FREM1: variants seen among roughly 807,000 people sequenced by gnomAD.
The protein encoded by FREM1 is FRAS1 related extracellular matrix 1.
Under a neutral mutation model 210.1 loss-of-function variants are expected in FREM1, and 220 were observed. The observed-to-expected ratio is 1.05, with a 90% CI of 0.94 to 1.17. The LOEUF (loss-of-function observed/expected upper bound fraction) is 1.17, where lower values mean the gene tolerates loss of function less well. FREM1 is among the 50% of genes most tolerant of loss of function. The probability of loss-of-function intolerance (pLI) is 0.00; values close to 1 mark genes in which losing one functional copy is unlikely to be tolerated. For missense variants in FREM1, 3,454 were observed against 2,675.5 expected, an observed-to-expected ratio of 1.29 and a Z score of -6.42; for synonymous variants, 1,189 against 980.2, an observed-to-expected ratio of 1.21 and a Z score of -3.98.
intron 16 of FREM1, 43 bp from the exon 17 acceptor site, chr9:14,808,177 A>G (rs769136357): frequency 5.3e-6 from 7 of 1,320,746 alleles, no homozygotes; most frequent in Admixed American, 2.3e-5. Context: ...TTTAAAAAAT[A>G]TAGAATACCA....
At chr9:14,787,158 C>T (rs1546135) in intron 23 of FREM1, among the ~76,000 whole-genome samples, 105,114 of 152,042 alleles carry the variant, frequency 0.69, 36,761 homozygotes, top group Middle Eastern at 0.82. Context: ...AAATGCTCAA[C>T]TTTAAGGTTG....
At chr9:14,867,301 G>C (rs936949621) in intron 2 of FREM1, among the ~76,000 whole-genome samples, 1 of 152,036 alleles carries the variant, frequency 6.6e-6, no homozygotes, top group Non-Finnish European at 1.5e-5. Flanking sequence ...TCCCTGACTC[G>C]TAAGTGCCAA....
Position 14,797,653 on chromosome 9 carries a change from G to GA in FREM1, c.3695-12dup, listed in dbSNP as rs771568917. The GA allele has an allele frequency of 3.0e-5, 48 of 1,594,640 alleles. No homozygotes were observed. The highest frequency in any genetic ancestry group is 3.4e-5 in the South Asian group (3 of 88,218). On this transcript the variant is annotated splice_polypyrimidine_tract_variant and intron_variant, in intron 20 of 36. Transcript: ENST00000380880. ...ACGTCAACCTCATTCCTGGAAGAAG[G>GA]AAAAAAAATAAGTAAATCTTCCTTA...
chr9:14,909,233 A>G (rs1818316052), intron 1 of FREM1, among the ~76,000 whole-genome samples: 1 of 152,230 alleles, frequency 6.6e-6, no homozygotes, highest in Non-Finnish European at 1.5e-5. Context: ...CTTAAAAACA[A>G]TAAACAATTT....
chr9:14,840,845 A>G (rs1381065770), intron 10 of FREM1, among the ~76,000 whole-genome samples: 2 of 152,218 alleles, frequency 1.3e-5, no homozygotes, highest in Admixed American at 1.3e-4. Context: ...ATGTTTGCTT[A>G]AACTTCTTTC....
At chr9:14,742,934 C>G (rs1426187149) in intron 35 of FREM1, among the ~76,000 whole-genome samples, 1 of 152,072 alleles carries the variant, frequency 6.6e-6, no homozygotes, top group East Asian at 1.9e-4. Context: ...CTATCTCTTT[C>G]ATTTACTTCC....
intron 10 of FREM1, among the ~76,000 whole-genome samples, chr9:14,832,289 TTTTCTAACTACCCTAATAGG>T (rs1484095282): frequency 1.3e-5 from 2 of 152,214 alleles, no homozygotes; most frequent in African/African-American, 2.4e-5. Context: ...CTTAGGCCGA[TTTTCTAACTACCCTAATAGG>T]TATATAGAAG....
intron 2 of FREM1, among the ~76,000 whole-genome samples, chr9:14,867,459 C>T (rs1211089247): frequency 1.3e-5 from 2 of 152,104 alleles, no homozygotes; most frequent in African/African-American, 4.8e-5. Flanking sequence ...CTTTGACTGA[C>T]GATAAAATCT....
At position 14,836,322 on chromosome 9, in the gene FREM1, G is replaced by A. The variant is rs376852323; in HGVS notation, c.1881+5125C>T. Among the ~76,000 whole-genome samples the A allele has an allele frequency of 1.6e-4, 24 of 152,140 alleles. No individual in the cohort carries two copies. The highest frequency in any genetic ancestry group is 6.5e-4 in the Admixed American group (10 of 15,270). On this transcript the variant is annotated intron_variant, in intron 10 of 36. Coordinates refer to ENST00000380880, the MANE Select transcript of FREM1 (RefSeq NM_001379081.2). The surrounding 1 kb of genome is among the most constrained non-coding windows in gnomAD (Gnocchi z 4.9). ...TTGCTTAATTATTATCCTTATAACT[G>A]GGATAATAGTTACTGACAAAAAGAA...
At chr9:14,778,192 T>A (rs1230948420) in intron 24 of FREM1, among the ~76,000 whole-genome samples, 1 of 152,116 alleles carries the variant, frequency 6.6e-6, no homozygotes, top group East Asian at 1.9e-4. Flanking sequence ...ATCACATAAT[T>A]TTCTCAAAAC....
At chr9:14,846,113 G>A (rs1301914939) in intron 7 of FREM1, 22 bp from the exon 8 acceptor site, 1 of 1,548,692 alleles carries the variant, frequency 6.5e-7, no homozygotes, top group South Asian at 1.2e-5. Flanking sequence ...AGGAGAAAAG[G>A]GTGTTGGTAT....
chr9:14,778,802 G>C (rs961769008), intron 24 of FREM1, among the ~76,000 whole-genome samples: 1 of 150,998 alleles, frequency 6.6e-6, no homozygotes, highest in African/African-American at 2.4e-5. Flanking sequence ...GGACACTCTG[G>C]GAGGCTGGGG....
In FREM1 at chr9:14,896,509, C is replaced by T. The variant is rs150317821; in HGVS notation, c.-268+13405G>A. Among the ~76,000 whole-genome samples, 100 of 145,288 alleles carry T rather than the reference C, an allele frequency of 6.9e-4. 1 individual carries two copies. In the South Asian group the frequency reaches 0.016, roughly 23 times the overall value. On this transcript the variant is annotated intron_variant, in intron 1 of 36. Transcript: ENST00000380880. The stretch of plus-strand genomic sequence containing the variant: ...GCAGTTAGCTGAGATCGCACCACTG[C>T]ACTCCAGCCTGGGCCACAGAGCGAG...
chr9:14,905,654 C>T (rs1292525386), intron 1 of FREM1, among the ~76,000 whole-genome samples: 2 of 152,112 alleles, frequency 1.3e-5, no homozygotes, highest in Admixed American at 6.5e-5. Context: ...TTTGGGAGGC[C>T]GAGGCTGGCG....
chr9:14,861,809 C>T (rs1830653980), intron 3 of FREM1, among the ~76,000 whole-genome samples: 1 of 151,916 alleles, frequency 6.6e-6, no homozygotes, highest in Non-Finnish European at 1.5e-5. Flanking sequence ...GCCTGGCCCT[C>T]TTAACCTTTT....
intron 10 of FREM1, among the ~76,000 whole-genome samples, chr9:14,831,939 G>A (rs576341896): frequency 1.9e-4 from 29 of 152,282 alleles, no homozygotes; most frequent in African/African-American, 6.3e-4. Context: ...TAGCTGGGGG[G>A]ACGCCCTCTA....
At chr9:14,752,886 T>G (rs1843642657) in intron 29 of FREM1, among the ~76,000 whole-genome samples, 1 of 152,118 alleles carries the variant, frequency 6.6e-6, no homozygotes, top group African/African-American at 2.4e-5. Flanking sequence ...ACAAAAAACT[T>G]AAGGTTTTTG....
chr9:14,840,318 G>T (rs1477990339), intron 10 of FREM1, among the ~76,000 whole-genome samples: 1 of 152,170 alleles, frequency 6.6e-6, no homozygotes, highest in Non-Finnish European at 1.5e-5. Context: ...TACGTACATA[G>T]TAGGTTTATT....
chr9:14,830,453 G>A (rs73415647), intron 10 of FREM1, among the ~76,000 whole-genome samples: 8,372 of 152,180 alleles, frequency 0.055, 333 homozygotes, highest in African/African-American at 0.11. Context: ...GTTACAATCA[G>A]ATTTCAGTAC....
Sources: gnomAD v4.1 joint callset for allele counts (sites outside exome capture counted in the v4.1 genomes callset) on GRCh38, gnomAD v4.1.1 for gene constraint, Gnocchi (gnomAD v3.1) non-coding constraint, MANE v1.5 for transcripts, NCBI Gene and HGNC (gene_info 2026-07-23, HGNC 2026-07-21) for gene names.